Variants in FAM131B observed in about 807,000 individuals in gnomAD.
FAM131B encodes family with sequence similarity 131 member B, also known as protein FAM131B.
In FAM131B, 19 loss-of-function variants were observed where a neutral mutation model predicts 42.0. The ratio of observed to expected loss-of-function variants is 0.45; its 90% CI spans 0.32 to 0.66. The LOEUF is 0.66. FAM131B is among the 30% of genes least tolerant of loss of function. FAM131B has a pLI of 0.05. For missense variants in FAM131B, 370 were observed against 468.4 expected, an observed-to-expected ratio of 0.79 and a Z score of 1.94; for synonymous variants, 183 against 177.6, an observed-to-expected ratio of 1.03 and a Z score of -0.24.
chr7:143,357,483 G>A (rs1363225002), intron 5 of FAM131B, 60 bp from the exon 6 acceptor site: 7 of 1,506,360 alleles, frequency 4.6e-6, no homozygotes, highest in African/African-American at 4.1e-5. Context: ...CATGTGCGTG[G>A]GGTAGGAAAA....
chr7:143,377,821 C>A, the FAM131B span, among the ~76,000 whole-genome samples: 2 of 152,186 alleles, frequency 1.3e-5, no homozygotes, highest in Non-Finnish European at 2.9e-5. Flanking sequence ...TCAAGTGATT[C>A]TCCCATCTTA....
the FAM131B span, among the ~76,000 whole-genome samples, chr7:143,369,778 A>T: frequency 6.6e-6 from 1 of 152,124 alleles, no homozygotes; most frequent in South Asian, 2.1e-4. Flanking sequence ...TTTCTAACTT[A>T]GGAGTTCAGA....
intron 6 of FAM131B, 67 bp downstream of exon 6, chr7:143,357,213 G>T: frequency 6.6e-7 from 1 of 1,511,296 alleles, no homozygotes; most frequent in Non-Finnish European, 9.1e-7. Flanking sequence ...GGAGCTGAGT[G>T]GAGGCAGCTG....
upstream of FAM131B, among the ~76,000 whole-genome samples, chr7:143,367,619 C>A (rs996229069): frequency 6.6e-6 from 1 of 152,138 alleles, no homozygotes; most frequent in Non-Finnish European, 1.5e-5. Flanking sequence ...GCAGGAGAAT[C>A]GCTTGAACCC....
the FAM131B span, chr7:143,381,171 C>CTG: frequency 4.0e-6 from 4 of 988,586 alleles, no homozygotes; most frequent in Non-Finnish European, 4.8e-6. Flanking sequence ...GGATCAGGGC[C>CTG]CCTTCCTGGG....
At chr7:143,365,747 T>C (rs1316553160), upstream of FAM131B, among the ~76,000 whole-genome samples, 1 of 152,070 alleles carries the variant, frequency 6.6e-6, no homozygotes, top group Non-Finnish European at 1.5e-5. Context: ...ACTACAGACA[T>C]GTGCCCCAAC....
intron 1 of FAM131B, chr7:143,361,157 A>C (rs1440644585): frequency 6.6e-6 from 1 of 152,532 alleles, no homozygotes; most frequent in Non-Finnish European, 1.5e-5. Flanking sequence ...GGAGGCATTC[A>C]GCACATCAGC....
the FAM131B span, among the ~76,000 whole-genome samples, chr7:143,375,992 C>T: frequency 2.6e-4 from 39 of 152,320 alleles, no homozygotes; most frequent in African/African-American, 9.4e-4. Flanking sequence ...CCCCTTCCAC[C>T]CACCACACAT....
intron 5 of FAM131B, among the ~76,000 whole-genome samples, chr7:143,357,997 G>C (rs1238945865): frequency 6.6e-6 from 1 of 152,198 alleles, no homozygotes; most frequent in Non-Finnish European, 1.5e-5. Context: ...GCAGTCTAGA[G>C]AGTAGATTTC....
Position 143,358,901 on chromosome 7 carries a change from T to C in FAM131B, c.392A>G (p.His131Arg), listed in dbSNP as rs370368171. The C allele has an allele frequency of 9.8e-5, 158 of 1,614,072 alleles. No homozygotes were observed. Among genetic ancestry groups the C allele is most frequent in the Non-Finnish European group, 1.3e-4 (148 of 1,180,046 alleles). Residue 131 changes from histidine (H) to arginine (R), a missense_variant, in exon 5 of 7, where the codon CAT becomes CGT. Transcript: ENST00000443739. The surrounding 1 kb of genome is among the most constrained non-coding windows in gnomAD (Gnocchi z 4.7). ...ATCCGTATCCCTGCGCACGGACTCA[T>C]GGCTGTGTTGTGGCTGAACAGCTGG... Reference protein sequence around the residue: ...KTPAVQPQHSHESVRRDTDAY... With the variant: ...KTPAVQPQHSRESVRRDTDAY...
At position 143,355,147 on chromosome 7, in the gene FAM131B, C is replaced by T. The variant is rs1205076287; in HGVS notation, c.*1403G>A. 1 of 152,786 alleles carries T rather than the reference C, an allele frequency of 6.5e-6. No homozygotes were observed. Among genetic ancestry groups the T allele is most frequent in the African/African-American group, 2.4e-5 (1 of 41,464 alleles). 9.5% of individuals were successfully genotyped at this position (152,786 alleles called of 1,614,324 possible). The stretch of plus-strand genomic sequence containing the variant: ...GCCTGTGCCAAGGGCTGGGGAGGGG[C>T]TACCTGGGCAGTGGCAGGGCCAAGT... On this transcript the variant is annotated 3_prime_UTR_variant, in exon 7 of 7. Transcript: ENST00000443739. This position sits in a 1 kb window ranked among gnomAD's most constrained non-coding sequence, Gnocchi z 4.1.
chr7:143,362,564 C>T lies in FAM131B; in HGVS notation c.28+12G>A. 4.9e-6 allele frequency: 6 copies of T among 1,218,994 alleles called. No homozygotes were observed. The highest frequency in any genetic ancestry group is 6.1e-6 in the Non-Finnish European group (6 of 978,548). The allele number at this position is 1,218,994 out of a possible 1,614,324, so 75.5% of individuals were successfully genotyped here. ...GGGCCCAGCCCTGCCCCCGCCCGGC[C>T]GCGGTACCCACCCACAGTCCGGGAG... On this transcript the variant is annotated intron_variant, in intron 1 of 6. Transcript: ENST00000443739. The surrounding 1 kb of genome is among the most constrained non-coding windows in gnomAD (Gnocchi z 7.7).
At chr7:143,363,871 G>A (rs1164499796), upstream of FAM131B, 1 of 152,204 alleles carries the variant, frequency 6.6e-6, no homozygotes, top group Non-Finnish European at 1.5e-5. Context: ...GGGAGGCTAA[G>A]TCTTATGGAT....
At chr7:143,363,739 G>A (rs1361070478), upstream of FAM131B, among the ~76,000 whole-genome samples, 3 of 152,166 alleles carry the variant, frequency 2.0e-5, no homozygotes, top group African/African-American at 4.8e-5. Flanking sequence ...GTGGGCAGGT[G>A]GGCATTCACA....
chr7:143,381,183 G>A, the FAM131B span: 1 of 991,790 alleles, frequency 1.0e-6, no homozygotes, highest in African/African-American at 1.7e-5. Flanking sequence ...CTTCCTGGGG[G>A]AGTTTCCTGC....
chr7:143,359,690 G>T lies in FAM131B; in HGVS notation c.174+42C>A, dbSNP rs1337427449. The T allele has an allele frequency of 3.2e-6, 5 of 1,539,328 alleles. No homozygotes were observed. The highest frequency in any genetic ancestry group is 4.4e-6 in the Non-Finnish European group (5 of 1,132,766). The stretch of plus-strand genomic sequence containing the variant: ...GTGCAAGGGAGAAGATGAGGAGGAG[G>T]AGTTCGGGAGGATGGGGAGGTCTGG... On this transcript the variant is annotated intron_variant, in intron 3 of 6. Coordinates refer to ENST00000443739, the MANE Select transcript of FAM131B (RefSeq NM_001031690.3). This position sits in a 1 kb window ranked among gnomAD's most constrained non-coding sequence, Gnocchi z 5.4.
At chr7:143,363,384 A>G (rs1044314310), upstream of FAM131B, among the ~76,000 whole-genome samples, 47 of 152,196 alleles carry the variant, frequency 3.1e-4, no homozygotes, top group Admixed American at 3.9e-4. Flanking sequence ...TATGAGGAGG[A>G]CAGTTCATTC....
chr7:143,376,797 G>A, the FAM131B span, among the ~76,000 whole-genome samples: 11 of 152,318 alleles, frequency 7.2e-5, no homozygotes, highest in South Asian at 4.1e-4. Context: ...AGTACTCAGC[G>A]CAAGGGAGGT....
chr7:143,380,847 G>A, the FAM131B span: 1 of 917,508 alleles, frequency 1.1e-6, no homozygotes, highest in African/African-American at 1.8e-5. The surrounding 1 kb of genome is among the most constrained non-coding windows in gnomAD (Gnocchi z 5.0). Flanking sequence ...GGGTGGCCGG[G>A]TAGCGGGTGG....
Sources: gnomAD v4.1 joint callset for allele counts (sites outside exome capture counted in the v4.1 genomes callset) on GRCh38, gnomAD v4.1.1 for gene constraint, Gnocchi (gnomAD v3.1) non-coding constraint, MANE v1.5 for transcripts, NCBI Gene and HGNC (gene_info 2026-07-23, HGNC 2026-07-21) for gene names.